The following SEC16B variants were observed in gnomAD, a reference collection of about 807,000 sequenced individuals.
SEC16B encodes the protein SEC16 homolog B, endoplasmic reticulum export factor, also known as protein transport protein Sec16B.
In SEC16B, 115 loss-of-function variants were observed where a neutral mutation model predicts 141.8. The ratio of observed to expected loss-of-function variants is 0.81; its 90% CI spans 0.70 to 0.95. The LOEUF is 0.95. SEC16B is among the 40% of genes least tolerant of loss of function. The pLI is 0.00. For missense variants in SEC16B, 1,291 were observed against 1,312.3 expected, an observed-to-expected ratio of 0.98 and a Z score of 0.25; for synonymous variants, 493 against 492.5, an observed-to-expected ratio of 1.00 and a Z score of -0.01.
intron 12 of SEC16B, 56 bp from the exon 13 acceptor site, chr1:177,947,998 A>G (rs929062120): frequency 1.5e-6 from 2 of 1,317,868 alleles, no homozygotes; most frequent in South Asian, 1.3e-5. Flanking sequence ...CCAGATGTAC[A>G]TAAAGAAGGC....
chr1:177,948,009 T>G, intron 12 of SEC16B, 67 bp from the exon 13 acceptor site: 1 of 1,233,100 alleles, frequency 8.1e-7, no homozygotes, highest in Non-Finnish European at 1.2e-6. Context: ...TAAAGAAGGC[T>G]GTTGTCTATT....
chr1:177,932,675 C>T, intron 23 of SEC16B, 23 bp downstream of exon 23: 1 of 1,550,614 alleles, frequency 6.4e-7, no homozygotes, highest in Non-Finnish European at 8.7e-7. Context: ...ACCCATGGCC[C>T]AGAGGACGTG....
upstream of SEC16B, among the ~76,000 whole-genome samples, chr1:177,975,008 A>G (rs1654113576): frequency 6.6e-6 from 1 of 152,254 alleles, no homozygotes; most frequent in South Asian, 2.1e-4. Context: ...ATAAGGGGAC[A>G]GAAACCAAGA....
intron 1 of SEC16B, among the ~76,000 whole-genome samples, chr1:177,975,808 T>A (rs1248695928): frequency 6.6e-6 from 1 of 152,194 alleles, no homozygotes; most frequent in Admixed American, 6.5e-5. Context: ...AGCTACCCCC[T>A]GGAAACAGTC....
At chr1:177,961,551 T>C in intron 6 of SEC16B, 39 bp downstream of exon 6, 1 of 1,575,914 alleles carries the variant, frequency 6.3e-7, no homozygotes, top group Non-Finnish European at 8.6e-7. Context: ...CCCTTCCACA[T>C]CAGATTCAAT....
At chr1:177,938,075 G>A (rs1236366939) in intron 18 of SEC16B, among the ~76,000 whole-genome samples, 1 of 152,016 alleles carries the variant, frequency 6.6e-6, no homozygotes, top group Non-Finnish European at 1.5e-5. Flanking sequence ...TTTTTCTCTG[G>A]CAGCTCAACA....
intron 17 of SEC16B, among the ~76,000 whole-genome samples, chr1:177,939,996 C>A (rs547710959): frequency 6.6e-6 from 1 of 152,232 alleles, no homozygotes; most frequent in South Asian, 2.1e-4. Flanking sequence ...GTCATCCACC[C>A]TCCCCTGAAG....
At chr1:177,938,852 T>C (rs1226790010) in intron 18 of SEC16B, among the ~76,000 whole-genome samples, 1 of 152,198 alleles carries the variant, frequency 6.6e-6, no homozygotes, top group Non-Finnish European at 1.5e-5. Context: ...TCAGAGTACA[T>C]TTGCCCTGGA....
In SEC16B at chr1:177,947,854, C is replaced by T. The variant is rs768838876; in HGVS notation, c.1634G>A (p.Arg545His). ...NQAGDPELYQ[R>H]AIVAIGDTLA... ...GGTGTCCCCAATGGCAACAATCGCA[C>T]GCTGATACAGCTCTGGGTCCCCAGC... Residue 545 changes from arginine (R) to histidine (H), a missense_variant, in exon 13 of 26, where the codon CGT becomes CAT. By Grantham distance (29) the Arg-to-His change is conservative. Coordinates refer to ENST00000308284, the MANE Select transcript of SEC16B (RefSeq NM_033127.4). The T allele has an allele frequency of 2.0e-5, 31 of 1,557,578 alleles. No individual in the cohort carries two copies. Among genetic ancestry groups the T allele is most frequent in the Admixed American group, 7.7e-5 (4 of 51,858 alleles).
In SEC16B at chr1:177,942,055, G is replaced by C; in HGVS notation, c.1882-15C>G. On this transcript the variant is annotated splice_polypyrimidine_tract_variant and intron_variant, in intron 15 of 25. Coordinates refer to ENST00000308284, the MANE Select transcript of SEC16B (RefSeq NM_033127.4). The stretch of plus-strand genomic sequence containing the variant: ...AGCTTATACACCTGTGAAGAGAAAA[G>C]AGTCAGTGACTAGTCCATCCAGGCA... The C allele has an allele frequency of 6.2e-7, 1 of 1,608,514 alleles. No homozygotes were observed. The highest frequency in any genetic ancestry group is 1.7e-5 in the Admixed American group (1 of 59,188).
chr1:177,940,581 C>T lies in SEC16B; in HGVS notation c.2127+29G>A, dbSNP rs201031790. On this transcript the variant is annotated intron_variant, in intron 17 of 25. Coordinates refer to ENST00000308284, the MANE Select transcript of SEC16B (RefSeq NM_033127.4). ...GAAGAGGGAAACAAAGGCCAGTCCC[C>T]CCAACGCCCTGGCTCCAATCCCACT... is the stretch of plus-strand genomic sequence containing the variant. 3.4e-5 allele frequency: 52 copies of T among 1,527,230 alleles called. No homozygotes were observed. The African/African-American group carries it at 6.1e-4, about 18-fold the overall frequency. 94.6% of individuals were successfully genotyped at this position (1,527,230 alleles called of 1,614,324 possible).
intron 10 of SEC16B, among the ~76,000 whole-genome samples, chr1:177,955,025 C>T (rs1011978361): frequency 6.6e-6 from 1 of 151,988 alleles, no homozygotes; most frequent in Non-Finnish European, 1.5e-5. Context: ...CAGAAACTTA[C>T]AATTTTGCAC....
chr1:177,955,021 C>T (rs1652489679), intron 10 of SEC16B, among the ~76,000 whole-genome samples: 1 of 152,038 alleles, frequency 6.6e-6, no homozygotes, highest in Non-Finnish European at 1.5e-5. Context: ...CCCCCAGAAA[C>T]TTACAATTTT....
rs1262946639 is a variant in SEC16B, at chr1:177,933,257, G to C, written c.2780C>G (p.Ser927Cys). 2 of 1,599,190 alleles carry C rather than the reference G, an allele frequency of 1.3e-6. No individual in the cohort carries two copies. The highest frequency in any genetic ancestry group is 3.4e-5 in the Admixed American group (2 of 58,092). The change falls in exon 22 of 26, where the codon TCC becomes TGC. Residue 927 changes from serine to cysteine, a missense_variant. By Grantham distance (112) the Ser-to-Cys change is moderately radical. This residue lies in a region of SEC16B where 605 missense variants were observed against 614.1 expected (regional missense o/e 0.99). Coordinates refer to ENST00000308284, the MANE Select transcript of SEC16B (RefSeq NM_033127.4). ...TGAGGAGTCCTCGTCTCCAGCGGGG[G>C]ATGCGTTCTTGGTGGGCTTCGATCG... Reference protein sequence around the residue: ...WFRSKPTKNASPAGDEDSSDS... With the variant: ...WFRSKPTKNACPAGDEDSSDS...
Position 177,929,360 on chromosome 1 carries a change from G to A in SEC16B, c.*498C>T, listed in dbSNP as rs1375880511. 1.3e-5 allele frequency: 2 copies of A among 155,520 alleles called. No homozygotes were observed. Among genetic ancestry groups the A allele is most frequent in the African/African-American group, 2.4e-5 (1 of 41,462 alleles). 9.6% of individuals were successfully genotyped at this position (155,520 alleles called of 1,614,324 possible). A position where few individuals can be genotyped will look rare whatever the true frequency, so the allele number is the denominator to read the frequency against. ...ATTGAAGAGGAAATTATAAAGGGCA[G>A]CAATAATCAAGTTTCAGTATAAAAA... On this transcript the variant is annotated 3_prime_UTR_variant, in exon 26 of 26. Coordinates refer to ENST00000308284, the MANE Select transcript of SEC16B (RefSeq NM_033127.4).
At chr1:177,933,187 G>T in intron 22 of SEC16B, 27 bp downstream of exon 22, 1 of 1,532,180 alleles carries the variant, frequency 6.5e-7, no homozygotes, top group Non-Finnish European at 8.9e-7. Context: ...ACAGAGAGGG[G>T]CATCCTCCCC....
In SEC16B at chr1:177,961,615, T is replaced by C. The variant is rs372407843; in HGVS notation, c.762A>G (p.Ser254=). 5 of 1,613,488 alleles carry C rather than the reference T, an allele frequency of 3.1e-6. No homozygotes were observed. In the African/African-American group the frequency reaches 6.7e-5, roughly 22 times the overall value. ...CAGCCTGAACTGGACTCCAAGCTGC[T>C]GAAGCTGGGGGATCATCCCGCTCCG... ...DAPERDDPPA[S]AAWSPVQADV... is the part of the protein sequence containing the mutation. Residue 254 remains serine, a synonymous_variant, in exon 6 of 26, where the codon TCA becomes TCG. Transcript: ENST00000308284.
intron 12 of SEC16B, among the ~76,000 whole-genome samples, chr1:177,950,288 G>A (rs1198685548): frequency 6.6e-6 from 1 of 152,164 alleles, no homozygotes; most frequent in Non-Finnish European, 1.5e-5. Context: ...CATGTCCCGG[G>A]AAGCCAAGAG....
chr1:177,947,760 A>ACAGGGAGGGGAGGTGAGGGGAGGGC, intron 13 of SEC16B, 65 bp downstream of exon 13: 3 of 761,848 alleles, frequency 3.9e-6, no homozygotes, highest in Non-Finnish European at 6.2e-6. Flanking sequence ...GAGGAAAGGG[A>ACAGGGAGGGGAGGTGAGGGGAGGGC]CAGGGAGGGG....
Sources: allele counts gnomAD v4.1 joint callset (sites outside exome capture counted in the v4.1 genomes callset), GRCh38; gene constraint gnomAD v4.1.1; regional missense constraint gnomAD v4.1.1; transcripts MANE v1.5; gene names NCBI Gene and HGNC (gene_info 2026-07-23, HGNC 2026-07-21).